The following MDFIC2 variants were observed in gnomAD, a reference collection of about 807,000 sequenced individuals.
MDFIC2 encodes MyoD family inhibitor domain containing 2, also known as myoD family inhibitor domain-containing protein 2.
intron 2 of MDFIC2, among the ~76,000 whole-genome samples, chr3:70,283,352 G>C (rs1007533065): frequency 6.6e-6 from 1 of 152,048 alleles, no homozygotes; most frequent in Non-Finnish European, 1.5e-5. Context: ...TGAATGAATA[G>C]GGCCTGGACT....
At chr3:70,215,433 C>T (rs974267995) in intron 2 of MDFIC2, among the ~76,000 whole-genome samples, 4 of 152,062 alleles carry the variant, frequency 2.6e-5, no homozygotes, top group Non-Finnish European at 5.9e-5. Flanking sequence ...GTTAATTGAT[C>T]CTGCTGGTAT....
intron 2 of MDFIC2, among the ~76,000 whole-genome samples, chr3:70,230,716 G>C (rs1701550900): frequency 6.6e-6 from 1 of 152,122 alleles, no homozygotes; most frequent in East Asian, 1.9e-4. Flanking sequence ...TGTAAGTGGT[G>C]GTTTGTCTGT....
chr3:70,238,776 T>G (rs1037362243), intron 2 of MDFIC2, among the ~76,000 whole-genome samples: 4 of 152,120 alleles, frequency 2.6e-5, no homozygotes, highest in Non-Finnish European at 1.5e-5. Flanking sequence ...ATCCTAGATA[T>G]GTGAGTCTAC....
chr3:70,270,718 A>G (rs1353174368), intron 2 of MDFIC2, among the ~76,000 whole-genome samples: 2 of 152,210 alleles, frequency 1.3e-5, no homozygotes, highest in East Asian at 3.9e-4. Flanking sequence ...AAAAAGGACG[A>G]GTTCATGTCC....
intron 2 of MDFIC2, among the ~76,000 whole-genome samples, chr3:70,252,126 T>G (rs960336035): frequency 7.2e-5 from 11 of 152,144 alleles, no homozygotes; most frequent in African/African-American, 2.7e-4. Context: ...CTCATATAGA[T>G]CTGAAAAGTT....
At chr3:70,298,325 A>C (rs1175734485) in intron 2 of MDFIC2, among the ~76,000 whole-genome samples, 2 of 152,136 alleles carry the variant, frequency 1.3e-5, no homozygotes, top group Non-Finnish European at 2.9e-5. Context: ...AAAGATAAGC[A>C]AACAAAATAA....
chr3:70,259,397 A>G (rs983208205), intron 2 of MDFIC2, among the ~76,000 whole-genome samples: 2 of 152,074 alleles, frequency 1.3e-5, no homozygotes, highest in African/African-American at 4.8e-5. Flanking sequence ...AATTCCTTGA[A>G]TAAAAATTTA....
intron 2 of MDFIC2, among the ~76,000 whole-genome samples, chr3:70,220,815 G>T (rs1037464017): frequency 6.6e-6 from 1 of 152,144 alleles, no homozygotes; most frequent in Non-Finnish European, 1.5e-5. Flanking sequence ...TTGCACAAAA[G>T]AAGGTCATTT....
At chr3:70,271,713 T>G (rs6549322) in intron 2 of MDFIC2, 127,486 of 152,128 alleles carry the variant, frequency 0.84, 53,745 homozygotes, top group Non-Finnish European at 0.89. Flanking sequence ...AAGAATGAAA[T>G]TGTAGCCCTA....
At chr3:70,199,491 C>T (rs1320060406) in intron 3 of MDFIC2, among the ~76,000 whole-genome samples, 1 of 152,090 alleles carries the variant, frequency 6.6e-6, no homozygotes, top group Non-Finnish European at 1.5e-5. Flanking sequence ...CTAAGTCAGT[C>T]CTTTTTATTT....
intron 2 of MDFIC2, among the ~76,000 whole-genome samples, chr3:70,207,592 A>C (rs1455897715): frequency 6.6e-6 from 1 of 152,052 alleles, no homozygotes; most frequent in Non-Finnish European, 1.5e-5. Flanking sequence ...TCCCCAATAC[A>C]ACAAATCCTA....
intron 2 of MDFIC2, among the ~76,000 whole-genome samples, chr3:70,307,381 A>G (rs749050960): frequency 1.3e-5 from 2 of 152,154 alleles, no homozygotes; most frequent in African/African-American, 2.4e-5. Flanking sequence ...AAGGGCTTCC[A>G]TCCCTTCATC....
At chr3:70,249,546 C>A (rs1316435914) in intron 2 of MDFIC2, 2 of 152,104 alleles carry the variant, frequency 1.3e-5, no homozygotes, top group Non-Finnish European at 2.9e-5. Context: ...TTTATGCCTG[C>A]CCCTTTAGGT....
chr3:70,213,700 A>T (rs1297042805), intron 2 of MDFIC2, among the ~76,000 whole-genome samples: 4 of 152,102 alleles, frequency 2.6e-5, no homozygotes, highest in African/African-American at 2.4e-5. Flanking sequence ...GTTAGAGGTG[A>T]TTTTTGTTGT....
intron 2 of MDFIC2, among the ~76,000 whole-genome samples, chr3:70,308,246 T>A (rs945221153): frequency 4.6e-5 from 7 of 152,162 alleles, no homozygotes; most frequent in East Asian, 1.9e-4. Flanking sequence ...ATTTTATTTT[T>A]TTTTTGTAGA....
At chr3:70,300,737 T>A (rs189134344) in intron 2 of MDFIC2, among the ~76,000 whole-genome samples, 243 of 152,196 alleles carry the variant, frequency 1.6e-3, no homozygotes, top group African/African-American at 5.6e-3. Flanking sequence ...ACAAGTAATG[T>A]TACAAAACCC....
chr3:70,302,237 G>C (rs990513522), intron 2 of MDFIC2, among the ~76,000 whole-genome samples: 2 of 152,034 alleles, frequency 1.3e-5, no homozygotes, highest in African/African-American at 4.8e-5. Context: ...CATTTGCTCT[G>C]TTCACATTCC....
chr3:70,206,248 G>T (rs1701289886), intron 3 of MDFIC2, among the ~76,000 whole-genome samples: 1 of 151,894 alleles, frequency 6.6e-6, no homozygotes, highest in African/African-American at 2.4e-5. Context: ...AGACTGAATA[G>T]TTCCATGTCT....
chr3:70,239,030 A>G (rs575433596), intron 2 of MDFIC2, among the ~76,000 whole-genome samples: 3 of 152,320 alleles, frequency 2.0e-5, no homozygotes, highest in South Asian at 4.1e-4. Context: ...GCCAAAAATG[A>G]TCTACAAAAA....
Sources: gnomAD v4.1 joint callset for allele counts (sites outside exome capture counted in the v4.1 genomes callset) on GRCh38, gnomAD v4.1.1 for gene constraint, MANE v1.5 for transcripts, NCBI Gene and HGNC (gene_info 2026-07-23, HGNC 2026-07-21) for gene names.